Variants in SHOC2 observed in about 807,000 individuals in gnomAD.
The protein encoded by SHOC2 is SHOC2 leucine rich repeat scaffold protein.
A neutral mutation model predicts 50.2 loss-of-function variants in SHOC2; 4 were observed. The observed-to-expected ratio is 0.08, with a 90% CI of 0.04 to 0.18. The LOEUF (loss-of-function observed/expected upper bound fraction) is 0.18, where lower values mean the gene tolerates loss of function less well. Among genes scored for constraint, SHOC2 ranks in the 10% least tolerant of loss-of-function variants. SHOC2 has a pLI of 1.00. For missense variants in SHOC2, 388 were observed against 669.6 expected, an observed-to-expected ratio of 0.58 and a Z score of 4.64; for synonymous variants, 218 against 244.5, an observed-to-expected ratio of 0.89 and a Z score of 1.01.
intron 1 of SHOC2, among the ~76,000 whole-genome samples, chr10:110,947,192 G>A (rs2134098467): frequency 6.6e-6 from 1 of 152,300 alleles, no homozygotes; most frequent in South Asian, 2.1e-4. Flanking sequence ...GTGAACCCCA[G>A]CACTAGAACC....
At chr10:111,009,127 C>A (rs894770087) in intron 6 of SHOC2, 121 bp from the exon 7 acceptor site, 2 of 577,746 alleles carry the variant, frequency 3.5e-6, no homozygotes, top group African/African-American at 3.8e-5. Flanking sequence ...TATAATTGAA[C>A]ATCACCCTTA....
chr10:110,940,910 G>GTTT (rs539552844), intron 1 of SHOC2, among the ~76,000 whole-genome samples: 3 of 119,480 alleles, frequency 2.5e-5, no homozygotes, highest in African/African-American at 6.4e-5. Flanking sequence ...TTTGTGGTGG[G>GTTT]TTTTTTTTTT....
chr10:110,965,119 T>C, intron 2 of SHOC2, 58 bp downstream of exon 2: 1 of 1,448,590 alleles, frequency 6.9e-7, no homozygotes. Flanking sequence ...TAATTTTGAG[T>C]GCTTTCTCAT....
At chr10:110,956,141 A>G (rs944071817) in intron 1 of SHOC2, among the ~76,000 whole-genome samples, 1 of 152,072 alleles carries the variant, frequency 6.6e-6, no homozygotes, top group Non-Finnish European at 1.5e-5. Context: ...GCATGTGCCT[A>G]ATTGCCTGAA....
intron 3 of SHOC2, among the ~76,000 whole-genome samples, chr10:110,992,201 A>G (rs979558350): frequency 6.6e-6 from 1 of 152,164 alleles, no homozygotes; most frequent in Non-Finnish European, 1.5e-5. Flanking sequence ...AGAAGCTAGT[A>G]TCGCTGACAA....
intron 1 of SHOC2, among the ~76,000 whole-genome samples, chr10:110,954,820 A>G (rs1183002098): frequency 3.9e-5 from 6 of 152,204 alleles, no homozygotes; most frequent in Non-Finnish European, 8.8e-5. Flanking sequence ...CTGAGGAAGA[A>G]CATTCCAGGC....
At chr10:110,974,044 C>T (rs1255820959) in intron 2 of SHOC2, among the ~76,000 whole-genome samples, 3 of 151,690 alleles carry the variant, frequency 2.0e-5, no homozygotes, top group Non-Finnish European at 4.4e-5. Flanking sequence ...TTTTCAAATT[C>T]CTTATTACTT....
chr10:110,924,795 C>A (rs574225108), intron 1 of SHOC2, among the ~76,000 whole-genome samples: 1 of 152,170 alleles, frequency 6.6e-6, no homozygotes, highest in South Asian at 2.1e-4. Context: ...TAAGGCCGGG[C>A]GTGGTGGCTC....
At chr10:110,986,663 A>T (rs1848083858) in intron 3 of SHOC2, among the ~76,000 whole-genome samples, 1 of 151,916 alleles carries the variant, frequency 6.6e-6, no homozygotes, top group Non-Finnish European at 1.5e-5. Flanking sequence ...TTTAATAGAG[A>T]TGAGGTTTCA....
chr10:110,991,486 C>T (rs2134157548), intron 3 of SHOC2, among the ~76,000 whole-genome samples: 1 of 152,244 alleles, frequency 6.6e-6, no homozygotes, highest in African/African-American at 2.4e-5. Context: ...AATAACATTG[C>T]ATTTACTTTT....
At chr10:110,922,769 C>A (rs1013268368) in intron 1 of SHOC2, among the ~76,000 whole-genome samples, 1 of 151,870 alleles carries the variant, frequency 6.6e-6, no homozygotes, top group African/African-American at 2.4e-5. Context: ...TTTTGCTACT[C>A]GTTTATAAAA....
chr10:110,980,043 G>T (rs896010422), intron 2 of SHOC2, among the ~76,000 whole-genome samples: 6 of 152,122 alleles, frequency 3.9e-5, no homozygotes, highest in African/African-American at 1.4e-4. Context: ...ACATCCAAGT[G>T]TGTGAGTTTG....
chr10:110,997,074 C>A (rs1383215110), intron 3 of SHOC2, among the ~76,000 whole-genome samples: 3 of 152,088 alleles, frequency 2.0e-5, no homozygotes, highest in Non-Finnish European at 4.4e-5. Context: ...TTGGCATTTT[C>A]CCCTTGGTCT....
chr10:110,927,436 T>C (rs1846798896), intron 1 of SHOC2, among the ~76,000 whole-genome samples: 1 of 152,220 alleles, frequency 6.6e-6, no homozygotes, highest in Admixed American at 6.5e-5. Flanking sequence ...AACTCTAAAC[T>C]CATAGAAATG....
chr10:111,011,811 T>C lies in SHOC2; in HGVS notation c.1742T>C (p.Met581Thr). 1 of 1,612,914 alleles carries C rather than the reference T, an allele frequency of 6.2e-7. No homozygotes were observed. The highest frequency in any genetic ancestry group is 8.5e-7 in the Non-Finnish European group (1 of 1,178,898). ...FLKMQGPYRA[M>T]V ...AAGATGCAGGGTCCATATCGTGCCA[T>C]GGTCTGATATAAATCTGCTGGTCCC... Residue 581 changes from methionine (M) to threonine (T), a missense_variant, in exon 9 of 9, where the codon ATG becomes ACG. Transcript: ENST00000369452.
At chr10:110,961,251 T>C (rs1234186471) in intron 1 of SHOC2, among the ~76,000 whole-genome samples, 1 of 152,200 alleles carries the variant, frequency 6.6e-6, no homozygotes, top group African/African-American at 2.4e-5. Context: ...TATGCAAATA[T>C]AGCCTTCCCC....
chr10:110,953,973 G>A (rs1274843254), intron 1 of SHOC2, among the ~76,000 whole-genome samples: 1 of 150,826 alleles, frequency 6.6e-6, no homozygotes, highest in African/African-American at 2.4e-5. Flanking sequence ...TCTAATTTGG[G>A]TTGTCTATAA....
chr10:110,919,733 C>T, intron 1 of SHOC2, 76 bp downstream of exon 1: 1 of 396,850 alleles, frequency 2.5e-6, no homozygotes, highest in Non-Finnish European at 4.4e-6. Flanking sequence ...GTCGGGCAGT[C>T]GGGCTGGCTG....
chr10:111,013,500 G>C lies in SHOC2; in HGVS notation c.*1682G>C, dbSNP rs568695891. 1.3e-5 allele frequency: 2 copies of C among 152,078 alleles called. No homozygotes were observed. Among genetic ancestry groups the C allele is most frequent in the African/African-American group, 4.8e-5 (2 of 41,498 alleles). 9.4% of individuals were successfully genotyped at this position (152,078 alleles called of 1,614,324 possible). A position where few individuals can be genotyped will look rare whatever the true frequency, so the allele number is the denominator to read the frequency against. On this transcript the variant is annotated 3_prime_UTR_variant, in exon 9 of 9. Transcript: ENST00000369452. ...GGATCAACTAAGAAATGGAAGGCAGGTGAAGATATAAAACCCTAGAATGCT... is the reference window on the plus strand; with the variant it reads ...GGATCAACTAAGAAATGGAAGGCAGCTGAAGATATAAAACCCTAGAATGCT...
Sources: gnomAD v4.1 joint callset for allele counts (sites outside exome capture counted in the v4.1 genomes callset) on GRCh38, gnomAD v4.1.1 for gene constraint, MANE v1.5 for transcripts, NCBI Gene and HGNC (gene_info 2026-07-23, HGNC 2026-07-21) for gene names.